The following NAALADL2 variants were observed in gnomAD, a reference collection of about 807,000 sequenced individuals.
The protein encoded by NAALADL2 is N-acetylated alpha-linked acidic dipeptidase like 2.
A neutral mutation model predicts 87.2 loss-of-function variants in NAALADL2; 76 were observed. The ratio of observed to expected loss-of-function variants is 0.87; its 90% CI spans 0.72 to 1.05. The LOEUF is 1.05. Ranked by LOEUF, NAALADL2 falls within the 50% of genes least tolerant of loss-of-function variation. The pLI, the probability that NAALADL2 is intolerant of heterozygous loss-of-function variation, is 0.00. For missense variants in NAALADL2, 1,089 were observed against 945.8 expected, an observed-to-expected ratio of 1.15 and a Z score of -1.99; for synonymous variants, 354 against 331.0, an observed-to-expected ratio of 1.07 and a Z score of -0.75.
At chr3:175,087,756 G>A (rs1719311845) in intron 1 of NAALADL2, among the ~76,000 whole-genome samples, 1 of 151,858 alleles carries the variant, frequency 6.6e-6, no homozygotes, top group Non-Finnish European at 1.5e-5. Context: ...AAGTACCCAG[G>A]GACACAAACA....
At chr3:174,441,831 C>T (rs1714668679) in intron 1 of NAALADL2, among the ~76,000 whole-genome samples, 1 of 150,720 alleles carries the variant, frequency 6.6e-6, no homozygotes, top group African/African-American at 2.4e-5. Context: ...GTAGCCTTTA[C>T]ATTTCAACCT....
intron 12 of NAALADL2, among the ~76,000 whole-genome samples, chr3:175,751,116 T>C (rs1341043033): frequency 6.6e-6 from 1 of 152,164 alleles, no homozygotes; most frequent in African/African-American, 2.4e-5. Context: ...CAGCATGTTC[T>C]ACCATACTAT....
At position 175,243,070 on chromosome 3, in the gene NAALADL2, A is replaced by AACACAC. The variant is rs145805880; in HGVS notation, c.819+8885_819+8890dup. Among the ~76,000 whole-genome samples, 568 of 147,060 alleles carry AACACAC rather than the reference A, an allele frequency of 3.9e-3. 3 individuals are homozygous for AACACAC. Among genetic ancestry groups the AACACAC allele is most frequent in the African/African-American group, 0.013 (532 of 39,986 alleles). On this transcript the variant is annotated intron_variant, in intron 3 of 13. Coordinates refer to ENST00000454872, the MANE Select transcript of NAALADL2 (RefSeq NM_207015.3). ...TTCTGTATGGTTTAATCCTTTCCAT[A>AACACAC]ACACACACACACACACACACACACG... is the stretch of plus-strand genomic sequence containing the variant.
At chr3:175,398,632 A>G (rs1180036349) in intron 5 of NAALADL2, among the ~76,000 whole-genome samples, 1 of 152,062 alleles carries the variant, frequency 6.6e-6, no homozygotes, top group Non-Finnish European at 1.5e-5. Context: ...AAAGGTATTG[A>G]TAAATATTGT....
rs779086226 is a variant in NAALADL2 at position 175,262,596 on chromosome 3, G to GTGTA, written c.939+6069_939+6070insATGT. 6.7e-3 allele frequency among the ~76,000 whole-genome samples: 1,020 copies of GTGTA among 151,586 alleles called. 12 individuals carry two copies. The highest frequency in any genetic ancestry group is 0.021 in the African/African-American group (878 of 41,394). ...TGTGAGTGTGTGTGTGTGTGTGTGT[G>GTGTA]TGTGTGTGTGTGTATGAGCTGTATG... is the stretch of plus-strand genomic sequence containing the variant. On this transcript the variant is annotated intron_variant, in intron 4 of 13. Coordinates refer to ENST00000454872, the MANE Select transcript of NAALADL2 (RefSeq NM_207015.3).
intron 1 of NAALADL2, among the ~76,000 whole-genome samples, chr3:175,050,084 G>A (rs1277545619): frequency 6.6e-6 from 1 of 152,098 alleles, no homozygotes; most frequent in Non-Finnish European, 1.5e-5. Flanking sequence ...AATGGTCCCA[G>A]TCTAAGTAAG....
chr3:175,477,294 T>A (rs943249410), intron 9 of NAALADL2, among the ~76,000 whole-genome samples: 1 of 152,156 alleles, frequency 6.6e-6, no homozygotes, highest in Non-Finnish European at 1.5e-5. Flanking sequence ...CTTTTCTAAA[T>A]CTCTTCTAAC....
intron 11 of NAALADL2, among the ~76,000 whole-genome samples, chr3:175,665,907 G>A (rs1732907121): frequency 6.6e-6 from 1 of 151,954 alleles, no homozygotes; most frequent in Non-Finnish European, 1.5e-5. Flanking sequence ...CTCCAGCCTG[G>A]CAACAGAGTG....
chr3:175,225,042 G>A (rs1743956379), intron 2 of NAALADL2, among the ~76,000 whole-genome samples: 2 of 152,278 alleles, frequency 1.3e-5, no homozygotes, highest in South Asian at 4.1e-4. Context: ...GTCTGCCCAG[G>A]AAGGAAGGTA....
At position 174,677,227 on chromosome 3, in the gene NAALADL2, G is replaced by A. The variant is rs535007015; in HGVS notation, c.-114-60414G>A. 1.1e-4 allele frequency among the ~76,000 whole-genome samples: 17 copies of A among 151,720 alleles called. No homozygotes were observed. The South Asian group carries it at 3.3e-3, about 30-fold the overall frequency. On this transcript the variant is annotated intron_variant, in intron 2 of 3. Transcript: ENST00000434257. ...TATGTTTGTGACCTTAAACATATGT[G>A]TTTAAACTAAACATATTTTTTAGTT...
chr3:175,742,886 G>T (rs535143867), intron 12 of NAALADL2, among the ~76,000 whole-genome samples: 1 of 152,302 alleles, frequency 6.6e-6, no homozygotes, highest in South Asian at 2.1e-4. Context: ...ATTATTCTCA[G>T]TGTCTGTATC....
At chr3:175,234,982 G>A (rs151129236) in intron 3 of NAALADL2, 5 of 152,022 alleles carry the variant, frequency 3.3e-5, no homozygotes, top group African/African-American at 9.6e-5. Context: ...ATATAACAAC[G>A]TGTAATTGGT....
chr3:175,489,854 T>A (rs1032066659), intron 9 of NAALADL2, among the ~76,000 whole-genome samples: 3 of 152,202 alleles, frequency 2.0e-5, no homozygotes, highest in Admixed American at 2.0e-4. Context: ...ATGAAACTAC[T>A]GTAAGTAGAA....
chr3:174,761,500 G>A (rs930298576), intron 3 of NAALADL2, among the ~76,000 whole-genome samples: 2 of 152,100 alleles, frequency 1.3e-5, no homozygotes, highest in African/African-American at 4.8e-5. Flanking sequence ...TTTCAGGAAC[G>A]TAGATGACTT....
At chr3:174,723,063 A>T (rs1032589373) in intron 2 of NAALADL2, among the ~76,000 whole-genome samples, 2 of 152,136 alleles carry the variant, frequency 1.3e-5, no homozygotes, top group Non-Finnish European at 2.9e-5. Context: ...AGAAAATAAA[A>T]AATAAATTCC....
chr3:175,372,112 G>C (rs952859706), intron 5 of NAALADL2, among the ~76,000 whole-genome samples: 1 of 152,094 alleles, frequency 6.6e-6, no homozygotes, highest in Non-Finnish European at 1.5e-5. Context: ...TTTTTCCACT[G>C]CTTCCTAGGC....
At chr3:174,686,018 T>C (rs1027587258) in intron 2 of NAALADL2, among the ~76,000 whole-genome samples, 5 of 152,104 alleles carry the variant, frequency 3.3e-5, no homozygotes, top group African/African-American at 1.2e-4. Context: ...TTCATGGCTG[T>C]ATAGTATTCC....
intron 5 of NAALADL2, among the ~76,000 whole-genome samples, chr3:175,355,020 A>ATGTGTGTGTG (rs1325977007): frequency 9.8e-4 from 99 of 100,646 alleles, no homozygotes; most frequent in African/African-American, 3.7e-3. Context: ...TGCTATATAT[A>ATGTGTGTGTG]TATGTGTGTG....
intron 1 of NAALADL2, among the ~76,000 whole-genome samples, chr3:174,453,338 G>A (rs1217685752): frequency 6.6e-6 from 1 of 152,030 alleles, no homozygotes; most frequent in Non-Finnish European, 1.5e-5. Context: ...TGGGGAGTAT[G>A]GAAGCAACTT....
Sources: allele counts gnomAD v4.1 joint callset (sites outside exome capture counted in the v4.1 genomes callset), GRCh38; gene constraint gnomAD v4.1.1; transcripts MANE v1.5; gene names NCBI Gene and HGNC (gene_info 2026-07-23, HGNC 2026-07-21).